The following ADGRG7 variants were observed in gnomAD, a reference collection of about 807,000 sequenced individuals.
ADGRG7 encodes the protein G-protein coupled receptor 128.
A neutral mutation model predicts 88.6 loss-of-function variants in ADGRG7; 82 were observed. That is an observed-to-expected ratio of 0.93 (90% CI 0.77 to 1.11). ADGRG7 has a LOEUF of 1.11. Among genes scored for constraint, ADGRG7 ranks in the 50% most tolerant of loss-of-function variants. The pLI is 0.00. For synonymous variants in ADGRG7, 381 were observed against 345.2 expected (o/e 1.10, Z -1.15); for missense variants, 945 against 953.4 (o/e 0.99, Z 0.12).
intron 1 of ADGRG7, among the ~76,000 whole-genome samples, chr3:100,613,034 C>A (rs1707176413): frequency 6.6e-6 from 1 of 152,086 alleles, no homozygotes; most frequent in Non-Finnish European, 1.5e-5. Flanking sequence ...GGACTACAGG[C>A]ACTCACCACC....
Position 100,660,344 on chromosome 3 carries a change from A to G in ADGRG7, c.1979+501A>G, listed in dbSNP as rs557627433. On this transcript the variant is annotated intron_variant, in intron 14 of 15. Coordinates refer to ENST00000273352, the MANE Select transcript of ADGRG7 (RefSeq NM_032787.3). Reference sequence around the variant, plus strand: ...TTTTGAGACAGGGTCTTGCTCTGCCATCCAGGCTGGAGTGCAGTGGCACGA... The same window carrying G: ...TTTTGAGACAGGGTCTTGCTCTGCCGTCCAGGCTGGAGTGCAGTGGCACGA... Among the ~76,000 whole-genome samples, 61 of 152,280 alleles carry G rather than the reference A, an allele frequency of 4.0e-4. 1 individual carries two copies. In the South Asian group the frequency reaches 0.012, roughly 31 times the overall value.
intron 15 of ADGRG7, among the ~76,000 whole-genome samples, chr3:100,685,994 G>A (rs2094981936): frequency 6.6e-6 from 1 of 151,024 alleles, no homozygotes; most frequent in South Asian, 2.1e-4. Flanking sequence ...CCCACCAACA[G>A]TGTAAAAGTG....
At chr3:100,631,254 A>G (rs1015186472) in intron 3 of ADGRG7, among the ~76,000 whole-genome samples, 2 of 152,134 alleles carry the variant, frequency 1.3e-5, no homozygotes, top group Admixed American at 6.6e-5. Flanking sequence ...TGGTCATTTT[A>G]GTTATCCATC....
intron 15 of ADGRG7, among the ~76,000 whole-genome samples, chr3:100,677,849 C>A (rs554999410): frequency 1.3e-5 from 2 of 152,070 alleles, no homozygotes; most frequent in African/African-American, 4.8e-5. Flanking sequence ...CTTTTAGGAT[C>A]CTTTCTTTAT....
chr3:100,663,788 A>T (rs955253959), intron 14 of ADGRG7, among the ~76,000 whole-genome samples: 2 of 152,034 alleles, frequency 1.3e-5, no homozygotes, highest in African/African-American at 4.8e-5. Flanking sequence ...CTATTATCAA[A>T]TTAATGTTCA....
chr3:100,650,556 C>G (rs2094927665), intron 11 of ADGRG7, among the ~76,000 whole-genome samples: 1 of 152,190 alleles, frequency 6.6e-6, no homozygotes, highest in South Asian at 2.1e-4. Flanking sequence ...CTGAAATTTT[C>G]CTCATGAAGA....
intron 15 of ADGRG7, among the ~76,000 whole-genome samples, chr3:100,671,611 T>C (rs1469631797): frequency 1.3e-5 from 2 of 152,240 alleles, no homozygotes; most frequent in Admixed American, 1.3e-4. Context: ...TTTGGTGTTT[T>C]AGTCATGAAG....
Position 100,695,062 on chromosome 3 carries a change from C to G in ADGRG7, c.*61C>G, listed in dbSNP as rs1235709372. 6.5e-7 allele frequency: 1 copy of G among 1,528,320 alleles called. No homozygotes were observed. Among genetic ancestry groups the G allele is most frequent in the East Asian group, 2.3e-5 (1 of 44,206 alleles). 94.7% of individuals were successfully genotyped at this position (1,528,320 alleles called of 1,614,324 possible). Reference sequence around the variant, plus strand: ...CCTCGTTTGAGTTTTATCTGTTTCTCTCCTTTATTTCCCAGTCCTCTCAGA... The same window carrying G: ...CCTCGTTTGAGTTTTATCTGTTTCTGTCCTTTATTTCCCAGTCCTCTCAGA... On this transcript the variant is annotated 3_prime_UTR_variant, in exon 16 of 16. Transcript: ENST00000273352.
intron 15 of ADGRG7, among the ~76,000 whole-genome samples, chr3:100,676,821 T>C (rs989494408): frequency 6.6e-6 from 1 of 152,122 alleles, no homozygotes; most frequent in East Asian, 1.9e-4. Flanking sequence ...TGTTATATCC[T>C]CTTGCTGAAT....
intron 15 of ADGRG7, among the ~76,000 whole-genome samples, chr3:100,676,371 G>A (rs1367292116): frequency 6.6e-6 from 1 of 151,906 alleles, no homozygotes; most frequent in African/African-American, 2.4e-5. Flanking sequence ...CGGTAATTGA[G>A]GAGCATATTG....
intron 15 of ADGRG7, among the ~76,000 whole-genome samples, chr3:100,687,057 G>C (rs2094984024): frequency 6.6e-6 from 1 of 152,094 alleles, no homozygotes; most frequent in Admixed American, 6.5e-5. Flanking sequence ...TTATTTCATT[G>C]AGCAGTGGTT....
intron 15 of ADGRG7, among the ~76,000 whole-genome samples, chr3:100,672,767 G>A (rs1361455343): frequency 1.3e-5 from 2 of 152,106 alleles, no homozygotes; most frequent in African/African-American, 4.8e-5. Context: ...TTAGCATGAT[G>A]GGGTGTTGAA....
intron 4 of ADGRG7, among the ~76,000 whole-genome samples, chr3:100,633,828 C>T (rs942653719): frequency 4.6e-5 from 7 of 152,186 alleles, no homozygotes; most frequent in South Asian, 2.1e-4. Context: ...CACACCTGGC[C>T]GCCACTCTTA....
intron 15 of ADGRG7, among the ~76,000 whole-genome samples, chr3:100,686,262 A>T (rs2094982455): frequency 6.6e-6 from 1 of 152,102 alleles, no homozygotes; most frequent in African/African-American, 2.4e-5. Flanking sequence ...TTCATTATAG[A>T]TTCTGGATAT....
Position 100,630,708 on chromosome 3 carries a change from A to G in ADGRG7, c.233A>G (p.Asn78Ser). Residue 78 changes from asparagine to serine, a missense_variant, in exon 3 of 16, where the codon AAT (asparagine) becomes AGT (serine). Coordinates refer to ENST00000273352, the MANE Select transcript of ADGRG7 (RefSeq NM_032787.3). ...EWKGLRCTIA[N>S]FCENSTYMGF... Reference sequence around the variant, plus strand: ...GAACTTTTTCTCTTTATTACAGCTAATTTTTGTGAAAATAGTACCTATATG... The same window carrying G: ...GAACTTTTTCTCTTTATTACAGCTAGTTTTTGTGAAAATAGTACCTATATG... The G allele has an allele frequency of 2.2e-6, 3 of 1,378,904 alleles. No homozygotes were observed. The highest frequency in any genetic ancestry group is 1.9e-5 in the South Asian group (1 of 52,512). The allele number at this position is 1,378,904 out of a possible 1,614,324, so 85.4% of individuals were successfully genotyped here. A position where few individuals can be genotyped will look rare whatever the true frequency, so the allele number is the denominator to read the frequency against.
chr3:100,659,231 G>A (rs1185612692), intron 13 of ADGRG7, among the ~76,000 whole-genome samples: 3 of 151,642 alleles, frequency 2.0e-5, no homozygotes, highest in Non-Finnish European at 4.4e-5. Flanking sequence ...AGGAGATCGA[G>A]ACCATCCTGG....
intron 13 of ADGRG7, among the ~76,000 whole-genome samples, chr3:100,658,477 A>C (rs1019739549): frequency 2.6e-5 from 4 of 152,138 alleles, no homozygotes; most frequent in African/African-American, 9.7e-5. Context: ...ACAAGCAATC[A>C]CCCACAAAGC....
intron 6 of ADGRG7, among the ~76,000 whole-genome samples, chr3:100,637,815 C>A (rs569584538): frequency 6.6e-6 from 1 of 152,346 alleles, no homozygotes; most frequent in African/African-American, 2.4e-5. Context: ...TCTCTCTTTC[C>A]AAGGCCCTGG....
Position 100,694,929 on chromosome 3 carries a change from G to A in ADGRG7, c.2322G>A (p.Arg774=). 1 of 1,614,124 alleles carries A rather than the reference G, an allele frequency of 6.2e-7. No homozygotes were observed. Among genetic ancestry groups the A allele is most frequent in the Non-Finnish European group, 8.5e-7 (1 of 1,180,022 alleles). The change falls in exon 16 of 16, where the codon AGG becomes AGA. Residue 774 remains arginine (R), a synonymous_variant. Coordinates refer to ENST00000273352, the MANE Select transcript of ADGRG7 (RefSeq NM_032787.3). ...RSLPTLHERF[R]LLETSPSTEE... ...TGCCAACCTTACATGAACGCTTTAG[G>A]CTACTGGAAACCTCTCCGAGTACTG...
Sources: gnomAD v4.1 joint callset for allele counts (sites outside exome capture counted in the v4.1 genomes callset) on GRCh38, gnomAD v4.1.1 for gene constraint, MANE v1.5 for transcripts, NCBI Gene and HGNC (gene_info 2026-07-23, HGNC 2026-07-21) for gene names.